The following TAAR9 variants were observed in gnomAD, a reference collection of about 807,000 sequenced individuals.
The protein encoded by TAAR9 is trace amine associated receptor 9, also known as trace amine-associated receptor 9.
For synonymous variants in TAAR9, 162 were observed against 152.6 expected (o/e 1.06, Z -0.45); for missense variants, 453 against 409.4 (o/e 1.11, Z -0.92).
rs778493032 is a variant in TAAR9 at position 132,538,582 on chromosome 6, G to T, written c.293G>T (p.Trp98Leu). Residue 98 changes from tryptophan (W) to leucine (L), a missense_variant, in exon 1 of 1, where the codon TGG becomes TTG. By Grantham distance (61) the Trp-to-Leu change is moderately conservative. Transcript: ENST00000434551. ...ACAGTGAGGTCTGTGGAGAGCTGTT[G>T]GTACTTTGGGGACAGTTACTGTAAA... 48 of 1,587,580 alleles carry T rather than the reference G, an allele frequency of 3.0e-5. No homozygotes were observed. The highest frequency in any genetic ancestry group is 3.6e-5 in the Non-Finnish European group (42 of 1,167,482).
At position 132,539,044 on chromosome 6, in the gene TAAR9, G is replaced by GAGAGAGAA; in HGVS notation, c.758_765dup (p.Ala256ArgfsTer27). On this transcript the variant is annotated frameshift_variant, in exon 1 of 1. Coordinates refer to ENST00000434551, the Ensembl canonical transcript of TAAR9. LOFTEE classifies it low-confidence loss of function (END_TRUNC). ...AGTTACAAGGAAAGAGTAGCAAAAA[G>GAGAGAGAA]AGAGAGAAAGGCTGCCAAAACCTTG... The GAGAGAGAA allele has an allele frequency of 3.3e-6, 5 of 1,529,088 alleles. No homozygotes were observed. Among genetic ancestry groups the GAGAGAGAA allele is most frequent in the Non-Finnish European group, 4.4e-6 (5 of 1,143,368 alleles). 94.7% of individuals were successfully genotyped at this position (1,529,088 alleles called of 1,614,324 possible).
At position 132,538,724 on chromosome 6, in the gene TAAR9, TG is replaced by T. The variant is rs1776254701; in HGVS notation, c.436del (p.Val146CysfsTer35). ...CTCTGACCTATCCAACCAAGTTTAC[TG>T]TGTCAGTTTCAGGGATATGCATTGT... is the stretch of plus-strand genomic sequence containing the variant. On this transcript the variant is annotated frameshift_variant, in exon 1 of 1. Transcript: ENST00000434551. LOFTEE classifies it low-confidence loss of function (END_TRUNC). 6.2e-7 allele frequency: 1 copy of T among 1,613,816 alleles called. No homozygotes were observed. Among genetic ancestry groups the T allele is most frequent in the African/African-American group, 1.3e-5 (1 of 74,926 alleles).
chr6:132,539,028 GA>G lies in TAAR9; in HGVS notation c.742del (p.Arg248GlufsTer2), dbSNP rs1268292720. ...TCAGTCCTCCTCAGAGAGTTACAAG[GA>G]AAGAGTAGCAAAAAGAGAGAGAAAG... On this transcript the variant is annotated frameshift_variant, in exon 1 of 1. Transcript: ENST00000434551. LOFTEE classifies it low-confidence loss of function (END_TRUNC). The G allele has an allele frequency of 6.5e-7, 1 of 1,529,052 alleles. No individual in the cohort carries two copies. The highest frequency in any genetic ancestry group is 1.4e-5 in the African/African-American group (1 of 71,852). The allele number at this position is 1,529,052 out of a possible 1,614,324, so 94.7% of individuals were successfully genotyped here.
At position 132,538,731 on chromosome 6, in the gene TAAR9, G is replaced by A. The variant is rs549795072; in HGVS notation, c.442G>A (p.Val148Ile). The change falls in exon 1 of 1, where the codon GTT (valine) becomes ATT (isoleucine). Residue 148 changes from valine to isoleucine, a missense_variant. Transcript: ENST00000434551. ...CTATCCAACCAAGTTTACTGTGTCAGTTTCAGGGATATGCATTGTTCTTTC... is the reference window on the plus strand; with the variant it reads ...CTATCCAACCAAGTTTACTGTGTCAATTTCAGGGATATGCATTGTTCTTTC... 8 of 1,613,680 alleles carry A rather than the reference G, an allele frequency of 5.0e-6. No individual in the cohort carries two copies. The African/African-American group carries it at 5.3e-5, about 11-fold the overall frequency.
chr6:132,538,554 A>G (rs754778190), exon 1 of TAAR9: 5 of 1,603,372 alleles, frequency 3.1e-6, no homozygotes, highest in East Asian at 2.2e-5. Flanking sequence ...GATGCCCTTC[A>G]GCACAGTGAG....
exon 1 of TAAR9, chr6:132,538,650 T>A (rs1380534313): frequency 6.2e-7 from 1 of 1,600,136 alleles, no homozygotes; most frequent in Admixed American, 1.7e-5. Flanking sequence ...TGCTTCTTTA[T>A]TTCATTTATG....
chr6:132,538,490 A>G (rs748947663), exon 1 of TAAR9: 7 of 1,610,496 alleles, frequency 4.3e-6, no homozygotes, highest in Non-Finnish European at 5.9e-6. Context: ...ACACACCTAC[A>G]AACTTTCTGA....
chr6:132,539,237 A>G (rs960226164), exon 1 of TAAR9: 1 of 1,612,704 alleles, frequency 6.2e-7, no homozygotes. Context: ...TCTTTTACCA[A>G]TGGTTTGGGA....
exon 1 of TAAR9, chr6:132,539,012 C>T (rs1157265492): frequency 1.3e-6 from 2 of 1,530,516 alleles, no homozygotes; most frequent in African/African-American, 2.8e-5. Flanking sequence ...CTCAGTCCTC[C>T]TCAGAGAGTT....
chr6:132,538,818 A>G, exon 1 of TAAR9: 2 of 1,613,922 alleles, frequency 1.2e-6, no homozygotes, highest in Non-Finnish European at 1.7e-6. Context: ...CGAAGAAGGA[A>G]TTGAGGAATT....
rs367695080 is a variant in TAAR9, at chr6:132,539,206, T to C, written c.917T>C (p.Met306Thr). 41 of 1,607,268 alleles carry C rather than the reference T, an allele frequency of 2.6e-5. No homozygotes were observed. Among genetic ancestry groups the C allele is most frequent in the Non-Finnish European group, 3.3e-5 (39 of 1,177,432 alleles). Residue 306 changes from methionine to threonine, a missense_variant, in exon 1 of 1, where the codon ATG becomes ACG. Physicochemically the swap from Met to Thr is moderately conservative, Grantham distance 81. Coordinates refer to ENST00000434551, the Ensembl canonical transcript of TAAR9. ...TGGTGTGTTTATTATAATTCAGCTA[T>C]GAACCCCTTGATTTATGCTTTCTTT... is the stretch of plus-strand genomic sequence containing the variant.
exon 1 of TAAR9, chr6:132,539,295 TCAA>T: frequency 6.2e-7 from 1 of 1,611,866 alleles, no homozygotes; most frequent in Non-Finnish European, 8.5e-7. Flanking sequence ...GACTGATTCG[TCAA>T]CAACTAATTT....
Position 132,539,085 on chromosome 6 carries a change from G to A in TAAR9, c.796G>A (p.Ala266Thr), listed in dbSNP as rs12209822. 79 of 1,538,702 alleles carry A rather than the reference G, an allele frequency of 5.1e-5. No homozygotes were observed. Among genetic ancestry groups the A allele is most frequent in the Non-Finnish European group, 6.5e-5 (75 of 1,148,554 alleles). ...CAAAACCTTGGGAATTGCTATGGCA[G>A]CATTTCTTGTCTCTTGGCTACCATA... is the stretch of plus-strand genomic sequence containing the variant. Residue 266 changes from alanine to threonine, a missense_variant, in exon 1 of 1, where the codon GCA (alanine) becomes ACA (threonine). Ala to Thr is a moderately conservative substitution (Grantham distance 58). Transcript: ENST00000434551.
At chr6:132,539,317 A>T (rs1423283134) in exon 1 of TAAR9, 1 of 1,608,712 alleles carries the variant, frequency 6.2e-7, no homozygotes, top group Non-Finnish European at 8.5e-7. Context: ...TTATTTTCTG[A>T]AGAAGTAGAG....
At chr6:132,539,114 C>G in exon 1 of TAAR9, 1 of 1,557,274 alleles carries the variant, frequency 6.4e-7, no homozygotes, top group Non-Finnish European at 8.6e-7. Context: ...TACCATACCT[C>G]GTTGATGCAG....
In TAAR9 at chr6:132,538,716, A is replaced by G; in HGVS notation, c.427A>G (p.Lys143Glu). The G allele has an allele frequency of 6.2e-7, 1 of 1,613,770 alleles. No homozygotes were observed. ...TACTGATCCTCTGACCTATCCAACCAAGTTTACTGTGTCAGTTTCAGGGAT... is the reference window on the plus strand; with the variant it reads ...TACTGATCCTCTGACCTATCCAACCGAGTTTACTGTGTCAGTTTCAGGGAT... Residue 143 changes from lysine to glutamate, a missense_variant, in exon 1 of 1, where the codon AAG (lysine) becomes GAG (glutamate). Physicochemically the swap from Lys to Glu is moderately conservative, Grantham distance 56. Transcript: ENST00000434551.
At chr6:132,538,966 A>T in exon 1 of TAAR9, 1 of 1,549,130 alleles carries the variant, frequency 6.5e-7, no homozygotes, top group Non-Finnish European at 8.7e-7. Context: ...GTGGCCAAGC[A>T]TCAGGCTAGG....
exon 1 of TAAR9, chr6:132,538,631 C>T (rs36112096): frequency 0.018 from 28,820 of 1,594,546 alleles, 388 homozygotes; most frequent in African/African-American, 0.058. Flanking sequence ...TTGACACATC[C>T]TTCTGTTTTG....
exon 1 of TAAR9, chr6:132,538,369 A>T (rs1027113633): frequency 1.4e-5 from 22 of 1,613,360 alleles, no homozygotes; most frequent in Non-Finnish European, 1.9e-5. Context: ...AAAACTCCTT[A>T]CTCGCCAGGT....
Sources: gnomAD v4.1 joint callset for allele counts on GRCh38, gnomAD v4.1.1 for gene constraint, MANE v1.5 for transcripts, NCBI Gene and HGNC (gene_info 2026-07-23, HGNC 2026-07-21) for gene names.